LAMA1: variants seen among roughly 807,000 people sequenced by gnomAD.
LAMA1 encodes laminin subunit alpha 1.
LAMA1 carries 219 observed loss-of-function variants against 348.7 expected under a neutral mutation model. That is an observed-to-expected ratio of 0.63 (90% CI 0.56 to 0.70). The LOEUF is 0.70. LAMA1 is among the 30% of genes least tolerant of loss of function. The pLI is 0.00. For missense variants in LAMA1, 3,744 were observed against 3,888.0 expected (o/e 0.96, Z 0.99); for synonymous variants, 1,487 against 1,491.0 (o/e 1.00, Z 0.06).
chr18:7,034,199 T>C (rs1043204750), intron 14 of LAMA1, among the ~76,000 whole-genome samples: 1 of 152,188 alleles, frequency 6.6e-6, no homozygotes, highest in African/African-American at 2.4e-5. Context: ...GTCCAGACAA[T>C]CGCTAACTCA....
intron 57 of LAMA1, chr18:6,954,058 G>A (rs74940599): frequency 0.017 from 2,651 of 152,534 alleles, 78 homozygotes; most frequent in African/African-American, 0.059. Flanking sequence ...GTGGGAAGAG[G>A]GACTGCGGTG....
intron 56 of LAMA1, chr18:6,956,070 A>C: frequency 3.4e-6 from 1 of 297,454 alleles, no homozygotes; most frequent in Non-Finnish European, 6.5e-6. Flanking sequence ...GCTACCATGA[A>C]AACTGCCCCG....
At chr18:6,992,414 AC>A in intron 36 of LAMA1, 146 bp downstream of exon 36, 1 of 836,374 alleles carries the variant, frequency 1.2e-6, no homozygotes, top group South Asian at 1.4e-5. Context: ...CTCTTCATTT[AC>A]TTGACCACAG....
At position 6,965,297 on chromosome 18, in the gene LAMA1, G is replaced by A. The variant is rs761448419; in HGVS notation, c.7186C>T (p.Arg2396Trp). The A allele has an allele frequency of 1.1e-5, 17 of 1,613,994 alleles. No homozygotes were observed. Among genetic ancestry groups the A allele is most frequent in the East Asian group, 2.2e-5 (1 of 44,894 alleles). Residue 2396 changes from arginine (R) to tryptophan (W), a missense_variant, in exon 50 of 63, where the codon CGG becomes TGG. By Grantham distance (101) the Arg-to-Trp change is moderately radical. Around this residue, in one of 3 missense-constraint regions of LAMA1, gnomAD observed 1,983 missense variants for 1,934.3 expected, o/e 1.03. Transcript: ENST00000389658. ...CCATCTGTGTCCCTACCTTGCTTCCGGTTTCGCTGGAAGGCAATTTTGTAC... is the reference window on the plus strand; with the variant it reads ...CCATCTGTGTCCCTACCTTGCTTCCAGTTTCGCTGGAAGGCAATTTTGTAC... ...TWYKIAFQRN[R>W]KQGVLAVIDA...
chr18:6,991,414 G>A (rs1440467984), intron 36 of LAMA1, among the ~76,000 whole-genome samples: 38 of 140,254 alleles, frequency 2.7e-4, no homozygotes, highest in African/African-American at 9.7e-4. Flanking sequence ...TTTTTGAGAC[G>A]GAGTCTTGCT....
rs60402984 is a variant in LAMA1 at position 7,044,162 on chromosome 18, C to CAAAAA, written c.976+555_976+559dup. 2.2e-4 allele frequency among the ~76,000 whole-genome samples: 9 copies of CAAAAA among 40,182 alleles called. No homozygotes were observed. The East Asian group carries it at 3.7e-3, about 16-fold the overall frequency. The allele number at this position is 40,182 out of a possible 152,430, so 26.4% of individuals were successfully genotyped here. On this transcript the variant is annotated intron_variant, in intron 7 of 62. Transcript: ENST00000389658. ...TAGGTGACAGAGTGAGACTCCATCTCAAAAAAAAAAAAAAAAAAAAAAAGC... is the reference window on the plus strand; with the variant it reads ...TAGGTGACAGAGTGAGACTCCATCTCAAAAAAAAAAAAAAAAAAAAAAAAAAAAGC...
At chr18:7,042,373 G>A in intron 8 of LAMA1, 123 bp from the exon 9 acceptor site, 1 of 695,660 alleles carries the variant, frequency 1.4e-6, no homozygotes, top group East Asian at 2.8e-5. Flanking sequence ...TTTGTGCATG[G>A]GGGTGGGGGT....
chr18:7,102,096 T>C (rs1000239902), intron 1 of LAMA1, among the ~76,000 whole-genome samples: 65 of 152,170 alleles, frequency 4.3e-4, no homozygotes, highest in African/African-American at 1.4e-3. Context: ...ATCTTATACA[T>C]ACATTTTCAA....
At chr18:7,012,405 T>A (rs1026850822) in intron 23 of LAMA1, among the ~76,000 whole-genome samples, 10 of 151,746 alleles carry the variant, frequency 6.6e-5, no homozygotes, top group Admixed American at 3.9e-4. Flanking sequence ...CCGAGACAAC[T>A]CTGGAAGCCG....
chr18:7,043,075 T>A (rs1208170699), intron 8 of LAMA1, 152 bp downstream of exon 8: 20 of 722,038 alleles, frequency 2.8e-5, no homozygotes, highest in Non-Finnish European at 4.7e-5. Flanking sequence ...CAGGATAGAG[T>A]AGGAAATATA....
At chr18:6,953,547 A>G (rs912487441) in intron 57 of LAMA1, among the ~76,000 whole-genome samples, 7 of 152,184 alleles carry the variant, frequency 4.6e-5, no homozygotes, top group Admixed American at 4.6e-4. Flanking sequence ...AGAAGGGGAA[A>G]CTACTCTACA....
At position 6,997,803 on chromosome 18, in the gene LAMA1, C is replaced by A. The variant is rs781441070; in HGVS notation, c.4745G>T (p.Gly1582Val). 2 of 1,613,810 alleles carry A rather than the reference C, an allele frequency of 1.2e-6. No homozygotes were observed. The highest frequency in any genetic ancestry group is 1.1e-5 in the South Asian group (1 of 91,082). ...AATTCCATATGGGACAGGGATAATG[C>A]CAGTGAGGTTCAGAGAAAGAACGGC... ...GDAVLSLNLTGIIPVPYGILS... is the reference protein window; with the variant it reads ...GDAVLSLNLTVIIPVPYGILS... The change falls in exon 33 of 63, where the codon GGC (glycine) becomes GTC (valine). Residue 1582 changes from glycine to valine, a missense_variant. Transcript: ENST00000389658.
At position 7,015,871 on chromosome 18, in the gene LAMA1, T is replaced by C; in HGVS notation, c.2990-13A>G. 1 of 1,614,084 alleles carries C rather than the reference T, an allele frequency of 6.2e-7. No individual in the cohort carries two copies. Among genetic ancestry groups the C allele is most frequent in the Non-Finnish European group, 8.5e-7 (1 of 1,180,006 alleles). On this transcript the variant is annotated splice_polypyrimidine_tract_variant and intron_variant, in intron 21 of 62. Coordinates refer to ENST00000389658, the MANE Select transcript of LAMA1 (RefSeq NM_005559.4). The stretch of plus-strand genomic sequence containing the variant: ...GGGCAGTCACAGGCTGAAATAAAGA[T>C]GAATGCTGGGTTACAGATCTGGGTG...
At chr18:6,990,677 T>C (rs919192975) in intron 36 of LAMA1, among the ~76,000 whole-genome samples, 3 of 152,178 alleles carry the variant, frequency 2.0e-5, no homozygotes, top group African/African-American at 4.8e-5. Context: ...GTTCCCTTGT[T>C]CAATGGCTCT....
At position 7,044,835 on chromosome 18, in the gene LAMA1, A is replaced by G. The variant is rs1277695213; in HGVS notation, c.863T>C (p.Leu288Pro). The G allele has an allele frequency of 6.2e-7, 1 of 1,610,754 alleles. No homozygotes were observed. The highest frequency in any genetic ancestry group is 1.1e-5 in the South Asian group (1 of 91,004). Reference protein sequence around the residue: ...SCPWDETTKKLQCQCEHNTCG... With the variant: ...SCPWDETTKKPQCQCEHNTCG... ...AGTATTATGCTCACATTGACACTGC[A>G]GTTTCTACACAATAAGGAAGCCAAA... The change falls in exon 7 of 63, where the codon CTG becomes CCG. Residue 288 changes from leucine (L) to proline (P), a missense_variant. Physicochemically the swap from Leu to Pro is moderately conservative, Grantham distance 98 (BLOSUM62 -3). This residue lies in a region of LAMA1 where 1,529 missense variants were observed against 1,689.4 expected (regional missense o/e 0.91). Coordinates refer to ENST00000389658, the MANE Select transcript of LAMA1 (RefSeq NM_005559.4).
chr18:7,095,876 G>A (rs1295541579), intron 1 of LAMA1, among the ~76,000 whole-genome samples: 1 of 152,188 alleles, frequency 6.6e-6, no homozygotes, highest in Non-Finnish European at 1.5e-5. Flanking sequence ...AGACCAGCCT[G>A]GCAAACATAG....
chr18:6,975,737 ACTTTC>A (rs534426865), intron 45 of LAMA1, among the ~76,000 whole-genome samples, 195 bp downstream of exon 45: 88 of 152,292 alleles, frequency 5.8e-4, no homozygotes, highest in African/African-American at 2.0e-3. Context: ...CAGAAACGCC[ACTTTC>A]CTTCTCACAG....
At chr18:7,000,039 T>C in intron 30 of LAMA1, 42 bp from the exon 31 acceptor site, 2 of 1,403,236 alleles carry the variant, frequency 1.4e-6, no homozygotes, top group South Asian at 1.2e-5. Context: ...AGATATACAA[T>C]TTCCATCTTT....
chr18:7,099,492 A>C (rs1181678836), intron 1 of LAMA1, among the ~76,000 whole-genome samples: 1 of 77,880 alleles, frequency 1.3e-5, no homozygotes, highest in East Asian at 3.0e-4. Context: ...AAAAAAAAAC[A>C]AAAAAAAAAA....
Sources: gnomAD v4.1 joint callset for allele counts (sites outside exome capture counted in the v4.1 genomes callset) on GRCh38, gnomAD v4.1.1 for gene constraint, gnomAD v4.1.1 regional missense constraint, MANE v1.5 for transcripts, NCBI Gene and HGNC (gene_info 2026-07-23, HGNC 2026-07-21) for gene names.